ARMC9: variants seen among roughly 807,000 people sequenced by gnomAD.
ARMC9 encodes the protein lisH domain-containing protein ARMC9.
Under a neutral mutation model 107.0 loss-of-function variants are expected in ARMC9, and 94 were observed. The ratio of observed to expected loss-of-function variants is 0.88; its 90% confidence interval spans 0.74 to 1.04. The LOEUF (loss-of-function observed/expected upper bound fraction) is 1.04, where lower values mean the gene tolerates loss of function less well. Among genes scored for constraint, ARMC9 ranks in the 50% least tolerant of loss-of-function variants. The probability of loss-of-function intolerance (pLI) is 0.00; values close to 1 mark genes in which losing one functional copy is unlikely to be tolerated. For synonymous variants in ARMC9, 380 were observed against 396.9 expected (o/e 0.96, Z 0.51); for missense variants, 942 against 1,030.1 (o/e 0.91, Z 1.17).
intron 21 of ARMC9, among the ~76,000 whole-genome samples, chr2:231,352,697 AGATAGATAGAT>A (rs2045148174): frequency 6.7e-6 from 1 of 149,864 alleles, no homozygotes; most frequent in Non-Finnish European, 1.5e-5. Flanking sequence ...ATAGATAGAT[AGATAGATAGAT>A]GATAGGTAGG....
chr2:231,258,850 C>T lies in ARMC9; in HGVS notation c.915-141C>T. On this transcript the variant is annotated intron_variant, in intron 10 of 24. Coordinates refer to ENST00000611582, the MANE Select transcript of ARMC9 (RefSeq NM_001352754.2). Reference sequence around the variant, plus strand: ...AGGTAGGAGCCTAGAACCCAGCCCGCCCTCCAAGTGGAAGCCGGGAGGTCA... The same window carrying T: ...AGGTAGGAGCCTAGAACCCAGCCCGTCCTCCAAGTGGAAGCCGGGAGGTCA... 4.2e-6 allele frequency: 3 copies of T among 712,350 alleles called. No individual in the cohort carries two copies. The South Asian group carries it at 5.5e-5, about 13-fold the overall frequency. 44.1% of individuals were successfully genotyped at this position (712,350 alleles called of 1,614,324 possible). A position where few individuals can be genotyped will look rare whatever the true frequency, so the allele number is the denominator to read the frequency against.
At chr2:231,344,877 TC>T in intron 20 of ARMC9, 97 bp from the exon 21 acceptor site, 2 of 1,139,848 alleles carry the variant, frequency 1.8e-6, no homozygotes, top group Middle Eastern at 2.9e-4. Flanking sequence ...AAGCTTCTTA[TC>T]ATTATAGAGT....
intron 7 of ARMC9, among the ~76,000 whole-genome samples, chr2:231,234,582 G>A (rs1365691333): frequency 6.6e-6 from 1 of 152,134 alleles, no homozygotes; most frequent in Admixed American, 6.6e-5. Context: ...CATTTTATGA[G>A]CTCAGTATAG....
intron 20 of ARMC9, among the ~76,000 whole-genome samples, chr2:231,335,286 A>G (rs1440322617): frequency 6.6e-6 from 1 of 152,136 alleles, no homozygotes; most frequent in Non-Finnish European, 1.5e-5. Context: ...TCTAGGCCCT[A>G]CCCTATACCT....
chr2:231,218,389 A>T lies in ARMC9; in HGVS notation c.504+1596A>T, dbSNP rs1005564800. 4.6e-5 allele frequency among the ~76,000 whole-genome samples: 7 copies of T among 152,242 alleles called. No homozygotes were observed. The South Asian group carries it at 6.2e-4, about 14-fold the overall frequency. On this transcript the variant is annotated intron_variant, in intron 5 of 24. Transcript: ENST00000611582. The stretch of plus-strand genomic sequence containing the variant: ...ATTTTAAAAAATTAAAAATTAAATT[A>T]AAAAATTTCTAAAAATAAATATTCT...
At chr2:231,361,434 C>CA (rs775553119) in intron 23 of ARMC9, among the ~76,000 whole-genome samples, 298 of 37,350 alleles carry the variant, frequency 8.0e-3, no homozygotes, top group East Asian at 0.011. Context: ...GACCCTGTCT[C>CA]AAAAAAAAAA....
chr2:231,355,963 G>A, intron 22 of ARMC9, 29 bp downstream of exon 22: 2 of 1,525,256 alleles, frequency 1.3e-6, no homozygotes, highest in Non-Finnish European at 1.8e-6. Context: ...CACTGGGTCA[G>A]TTCTGGGATT....
intron 19 of ARMC9, among the ~76,000 whole-genome samples, chr2:231,305,228 C>T (rs575988412): frequency 2.6e-5 from 4 of 152,346 alleles, no homozygotes; most frequent in African/African-American, 9.6e-5. Flanking sequence ...TGGTGAAATA[C>T]AGTGACTGCT....
rs1047649510 is a variant in ARMC9, at chr2:231,297,952, A to G, written c.1773+1699A>G. ...TTTCATTTTGCTTTGTTTTTGCTAT[A>G]AATCCTGTTTTTATCTTATAAGGGA... On this transcript the variant is annotated intron_variant, in intron 19 of 24. Coordinates refer to ENST00000611582, the MANE Select transcript of ARMC9 (RefSeq NM_001352754.2). The surrounding 1 kb of genome is among the most constrained non-coding windows in gnomAD (Gnocchi z 4.2). Among the ~76,000 whole-genome samples the G allele has an allele frequency of 6.6e-6, 1 of 152,002 alleles. No homozygotes were observed. The highest frequency in any genetic ancestry group is 2.4e-5 in the African/African-American group (1 of 41,378).
At chr2:231,365,086 G>T (rs2045758665) in intron 23 of ARMC9, among the ~76,000 whole-genome samples, 1 of 152,236 alleles carries the variant, frequency 6.6e-6, no homozygotes, top group African/African-American at 2.4e-5. Flanking sequence ...CCTGGAGGCA[G>T]CCAGGAGCCA....
intron 19 of ARMC9, among the ~76,000 whole-genome samples, chr2:231,324,123 C>CTTTTTT (rs71296842): frequency 3.8e-3 from 340 of 89,184 alleles, no homozygotes; most frequent in African/African-American, 4.1e-3. Context: ...TTGTAAAGTA[C>CTTTTTT]TTTTTTTTTT....
At chr2:231,370,957 G>A (rs570511498) in intron 24 of ARMC9, 8 of 440,762 alleles carry the variant, frequency 1.8e-5, no homozygotes, top group African/African-American at 1.6e-4. Context: ...GGGCGCTCTG[G>A]TCAGCTGGGG....
intron 5 of ARMC9, among the ~76,000 whole-genome samples, chr2:231,217,523 G>C (rs2033646098): frequency 6.7e-6 from 1 of 150,244 alleles, no homozygotes; most frequent in Non-Finnish European, 1.5e-5. Flanking sequence ...TGAACCAGGA[G>C]TGCCACTGCA....
At chr2:231,254,002 G>A (rs758506350) in intron 9 of ARMC9, among the ~76,000 whole-genome samples, 2 of 152,102 alleles carry the variant, frequency 1.3e-5, no homozygotes, top group African/African-American at 2.4e-5. Flanking sequence ...ACTTACTGAT[G>A]GAAGCATTTT....
chr2:231,273,001 G>C lies in ARMC9; in HGVS notation c.1257G>C (p.Glu419Asp), dbSNP rs1259292977. The C allele has an allele frequency of 6.2e-7, 1 of 1,613,800 alleles. No individual in the cohort carries two copies. The highest frequency in any genetic ancestry group is 1.3e-5 in the African/African-American group (1 of 74,924). ...ACACAAAGGTGCTGCAGATGCTGGAGGGAAGGCTGAAGGAGGAGGACAAGG... is the reference window on the plus strand; with the variant it reads ...ACACAAAGGTGCTGCAGATGCTGGACGGAAGGCTGAAGGAGGAGGACAAGG... ...AQNTKVLQML[E>D]GRLKEEDKDI... is the part of the protein sequence containing the mutation. Residue 419 changes from glutamate to aspartate, a missense_variant, in exon 14 of 25, where the codon GAG (glutamate) becomes GAC (aspartate). Glu to Asp is a conservative substitution (Grantham distance 45). Transcript: ENST00000611582.
chr2:231,359,429 G>C (rs186759752), intron 22 of ARMC9, among the ~76,000 whole-genome samples: 6 of 152,168 alleles, frequency 3.9e-5, no homozygotes, highest in Admixed American at 3.9e-4. Flanking sequence ...CTTCAGTGTG[G>C]CCTGTGCTGG....
At chr2:231,251,764 C>A (rs150354420) in intron 9 of ARMC9, among the ~76,000 whole-genome samples, 1 of 152,110 alleles carries the variant, frequency 6.6e-6, no homozygotes, top group East Asian at 1.9e-4. Context: ...CTTGCTCTGT[C>A]ACCAAGGCTG....
intron 18 of ARMC9, chr2:231,293,964 A>G (rs148920998): frequency 2.0e-5 from 3 of 152,172 alleles, no homozygotes. Context: ...GCAGAGTACA[A>G]ATTGTTGCTA....
intron 12 of ARMC9, 41 bp from the exon 13 acceptor site, chr2:231,270,941 G>A (rs533648067): frequency 5.3e-5 from 83 of 1,572,094 alleles, no homozygotes; most frequent in African/African-American, 1.4e-4. Flanking sequence ...TTATCTCTCC[G>A]TGTTCTTAAC....
Sources: allele counts gnomAD v4.1 joint callset (sites outside exome capture counted in the v4.1 genomes callset), GRCh38; gene constraint gnomAD v4.1.1; non-coding constraint Gnocchi (gnomAD v3.1); transcripts MANE v1.5; gene names NCBI Gene and HGNC (gene_info 2026-07-23, HGNC 2026-07-21).